Variants in CACNA1D observed in about 807,000 individuals in gnomAD.
The protein encoded by CACNA1D is calcium voltage-gated channel subunit alpha1 D.
Under a neutral mutation model 257.1 loss-of-function variants are expected in CACNA1D, and 55 were observed. That is an observed-to-expected ratio of 0.21 (90% CI 0.17 to 0.27). The LOEUF (loss-of-function observed/expected upper bound fraction) is 0.27. Ranked by LOEUF, CACNA1D falls within the 10% of genes least tolerant of loss-of-function variation. The pLI, the probability that CACNA1D is intolerant of heterozygous loss-of-function variation, is 1.00. For synonymous variants in CACNA1D, 980 were observed against 1,014.9 expected (o/e 0.97, Z 0.65); for missense variants, 1,876 against 2,784.0 (o/e 0.67, Z 7.34).
intron 3 of CACNA1D, among the ~76,000 whole-genome samples, chr3:53,622,073 A>T (rs1218175856): frequency 6.6e-6 from 1 of 151,706 alleles, no homozygotes; most frequent in Non-Finnish European, 1.5e-5. Flanking sequence ...TTTGAGACAG[A>T]GTCTCACTCT....
intron 18 of CACNA1D, among the ~76,000 whole-genome samples, chr3:53,732,374 A>G (rs557670239): frequency 1.3e-5 from 2 of 152,270 alleles, no homozygotes; most frequent in South Asian, 2.1e-4. Flanking sequence ...TGACACTTTT[A>G]TATTTGACTG....
chr3:53,597,304 G>A (rs2093382902), intron 3 of CACNA1D, among the ~76,000 whole-genome samples: 2 of 152,186 alleles, frequency 1.3e-5, no homozygotes, highest in Non-Finnish European at 2.9e-5. Flanking sequence ...AGCTAGGTTG[G>A]CAATTGATAG....
intron 1 of CACNA1D, among the ~76,000 whole-genome samples, chr3:53,496,613 A>G (rs530462882): frequency 2.8e-4 from 43 of 152,278 alleles, no homozygotes; most frequent in African/African-American, 9.1e-4. Context: ...CTGGGTGCCT[A>G]TGGAAGATTT....
chr3:53,747,317 C>G lies in CACNA1D; in HGVS notation c.3183C>G (p.Leu1061=). The stretch of plus-strand genomic sequence containing the variant: ...TCCTCTCCAGGGGACTTTTCATCCT[C>G]TACAAGGATGGGGATGTTGACAGTC... The part of the protein sequence containing the change: ...NPEECRGLFI[L]YKDGDVDSPV... The change falls in exon 26 of 48, where the codon CTC becomes CTG. Residue 1061 remains leucine, a synonymous_variant. Coordinates refer to ENST00000350061, the MANE Select transcript of CACNA1D (RefSeq NM_001128840.3). The G allele has an allele frequency of 6.2e-7, 1 of 1,613,638 alleles. No homozygotes were observed. The highest frequency in any genetic ancestry group is 8.5e-7 in the Non-Finnish European group (1 of 1,179,532).
intron 4 of CACNA1D, among the ~76,000 whole-genome samples, chr3:53,656,292 A>AT (rs887121744): frequency 6.6e-6 from 1 of 151,772 alleles, no homozygotes; most frequent in Non-Finnish European, 1.5e-5. Context: ...AATTAAAAAA[A>AT]TTTTTTTTCT....
At chr3:53,724,871 C>G (rs1007968774) in intron 14 of CACNA1D, among the ~76,000 whole-genome samples, 4 of 152,182 alleles carry the variant, frequency 2.6e-5, no homozygotes, top group Admixed American at 2.0e-4. Context: ...GGACAATTCT[C>G]TCCCACTTGG....
At chr3:53,506,042 A>G (rs2090831682) in intron 3 of CACNA1D, among the ~76,000 whole-genome samples, 2 of 152,228 alleles carry the variant, frequency 1.3e-5, no homozygotes, top group African/African-American at 2.4e-5. Flanking sequence ...GGTGTGAACC[A>G]TAATACCTGA....
chr3:53,572,880 A>C (rs1291373522), intron 3 of CACNA1D, among the ~76,000 whole-genome samples: 1 of 152,170 alleles, frequency 6.6e-6, no homozygotes, highest in African/African-American at 2.4e-5. Flanking sequence ...GACCATCTTT[A>C]TATGAACAGA....
chr3:53,761,396 G>A (rs1476189172), intron 29 of CACNA1D, among the ~76,000 whole-genome samples: 1 of 152,220 alleles, frequency 6.6e-6, no homozygotes, highest in Non-Finnish European at 1.5e-5. Context: ...CACGGTGCCT[G>A]TGTCCCCGTA....
At chr3:53,574,605 C>T (rs190758454) in intron 3 of CACNA1D, among the ~76,000 whole-genome samples, 2 of 152,172 alleles carry the variant, frequency 1.3e-5, no homozygotes, top group Non-Finnish European at 2.9e-5. Flanking sequence ...TCCATCCTTG[C>T]GAGCACTTCG....
chr3:53,528,767 G>T (rs576670945), intron 3 of CACNA1D, among the ~76,000 whole-genome samples: 3 of 152,016 alleles, frequency 2.0e-5, no homozygotes, highest in South Asian at 2.1e-4. Flanking sequence ...TATTATTTTT[G>T]ATTTTATTGC....
chr3:53,736,229 T>C (rs2095055717), intron 20 of CACNA1D, among the ~76,000 whole-genome samples: 1 of 152,008 alleles, frequency 6.6e-6, no homozygotes, highest in Non-Finnish European at 1.5e-5. Flanking sequence ...CAGTCCCAGC[T>C]ACTCAGGAGA....
At chr3:53,727,118 T>C in intron 15 of CACNA1D, 119 bp downstream of exon 15, 1 of 1,139,058 alleles carries the variant, frequency 8.8e-7, no homozygotes, top group East Asian at 2.3e-5. Context: ...GGTAAATGCC[T>C]TTACCTTATT....
chr3:53,594,711 T>G (rs1314467930), intron 3 of CACNA1D, among the ~76,000 whole-genome samples: 1 of 152,242 alleles, frequency 6.6e-6, no homozygotes, highest in Non-Finnish European at 1.5e-5. Flanking sequence ...CTGATCCCAC[T>G]CTCTGCATGC....
At chr3:53,741,055 T>C (rs1459548514) in intron 21 of CACNA1D, among the ~76,000 whole-genome samples, 3 of 152,214 alleles carry the variant, frequency 2.0e-5, no homozygotes, top group Non-Finnish European at 2.9e-5. Context: ...GTACTGCCCA[T>C]GCATGAGCTA....
intron 3 of CACNA1D, among the ~76,000 whole-genome samples, chr3:53,554,879 T>G (rs924479140): frequency 6.6e-6 from 1 of 152,224 alleles, no homozygotes; most frequent in Non-Finnish European, 1.5e-5. Flanking sequence ...ATTCTAGTCA[T>G]AAACAGGAAA....
intron 3 of CACNA1D, among the ~76,000 whole-genome samples, chr3:53,510,026 C>G (rs537138824): frequency 6.6e-6 from 1 of 152,308 alleles, no homozygotes; most frequent in South Asian, 2.1e-4. Context: ...TGAAGGAAAA[C>G]CTACAGTGTG....
At chr3:53,563,367 T>C (rs2107647540) in intron 3 of CACNA1D, among the ~76,000 whole-genome samples, 1 of 152,056 alleles carries the variant, frequency 6.6e-6, no homozygotes, top group Admixed American at 6.5e-5. Context: ...CTACTAAAAA[T>C]ACAGAAAGTA....
At chr3:53,618,667 G>A (rs2093662931) in intron 3 of CACNA1D, among the ~76,000 whole-genome samples, 1 of 152,200 alleles carries the variant, frequency 6.6e-6, no homozygotes, top group African/African-American at 2.4e-5. Flanking sequence ...GCTCCACCCG[G>A]TCCTGCTCAG....
Sources: gnomAD v4.1 joint callset for allele counts (sites outside exome capture counted in the v4.1 genomes callset) on GRCh38, gnomAD v4.1.1 for gene constraint, MANE v1.5 for transcripts, NCBI Gene and HGNC (gene_info 2026-07-23, HGNC 2026-07-21) for gene names.